The following CA12 variants were observed in gnomAD, a reference collection of about 807,000 sequenced individuals.
CA12 encodes carbonic anhydrase 12, also known as carbonate dehydratase XII.
In CA12, 36 loss-of-function variants were observed where a neutral mutation model predicts 46.8. The ratio of observed to expected loss-of-function variants is 0.77; its 90% CI spans 0.59 to 1.02. CA12 has a LOEUF of 1.02. Ranked by LOEUF, CA12 falls within the 50% of genes least tolerant of loss-of-function variation. The probability of loss-of-function intolerance (pLI) is 0.00; values close to 1 mark genes in which losing one functional copy is unlikely to be tolerated. For missense variants in CA12, 436 were observed against 451.4 expected (o/e 0.97, Z 0.31); for synonymous variants, 202 against 187.0 (o/e 1.08, Z -0.65).
rs2038887285 is a variant in CA12 at position 63,327,801 on chromosome 15, A to G, written c.907+297T>C. On this transcript the variant is annotated intron_variant, in intron 9 of 10. Transcript: ENST00000178638. The surrounding 1 kb of genome is among the most constrained non-coding windows in gnomAD (Gnocchi z 4.5). ...TCATGCGGCCTGTCAGCTGACCTCC[A>G]CAATGGGCTCTGGTATGTTTTCAGC... Among the ~76,000 whole-genome samples, 1 of 152,212 alleles carries G rather than the reference A, an allele frequency of 6.6e-6. No homozygotes were observed. Among genetic ancestry groups the G allele is most frequent in the Non-Finnish European group, 1.5e-5 (1 of 68,032 alleles).
chr15:63,336,268 A>T (rs2039002214), intron 8 of CA12, among the ~76,000 whole-genome samples: 1 of 152,160 alleles, frequency 6.6e-6, no homozygotes, highest in Non-Finnish European at 1.5e-5. Flanking sequence ...CTTGGCTAAA[A>T]ACCTGCCTAC....
Position 63,340,184 on chromosome 15 carries a change from G to T in CA12, c.747+104C>A. 1 of 1,321,980 alleles carries T rather than the reference G, an allele frequency of 7.6e-7. No homozygotes were observed. The highest frequency in any genetic ancestry group is 1.1e-6 in the Non-Finnish European group (1 of 928,908). The allele number at this position is 1,321,980 out of a possible 1,614,324, so 81.9% of individuals were successfully genotyped here. A position where few individuals can be genotyped will look rare whatever the true frequency, so the allele number is the denominator to read the frequency against. On this transcript the variant is annotated intron_variant, in intron 7 of 10. Transcript: ENST00000178638. This position sits in a 1 kb window ranked among gnomAD's most constrained non-coding sequence, Gnocchi z 4.4. ...ATATTTGGAGAGGTTTTGAAGAGCT[G>T]CCAATGAAACTAAATGAGGAAATCA...
At chr15:63,337,972 C>T (rs550894676) in intron 8 of CA12, among the ~76,000 whole-genome samples, 10 of 152,212 alleles carry the variant, frequency 6.6e-5, no homozygotes, top group African/African-American at 2.4e-4. Flanking sequence ...GGGAAGCAGT[C>T]GAGAATCTAC....
Position 63,374,460 on chromosome 15 carries a change from A to G in CA12, c.106+1198T>C, listed in dbSNP as rs971847488. On this transcript the variant is annotated intron_variant, in intron 2 of 10. Coordinates refer to ENST00000178638, the MANE Select transcript of CA12 (RefSeq NM_001218.5). The surrounding 1 kb of genome is among the most constrained non-coding windows in gnomAD (Gnocchi z 4.4). The stretch of plus-strand genomic sequence containing the variant: ...GTTTATGATGTTATTATTACCTATT[A>G]TGTTCTGCTTTGAATTGTGAGCTTT... Among the ~76,000 whole-genome samples the G allele has an allele frequency of 6.6e-6, 1 of 152,148 alleles. No individual in the cohort carries two copies. The highest frequency in any genetic ancestry group is 2.4e-5 in the African/African-American group (1 of 41,432).
At position 63,372,549 on chromosome 15, in the gene CA12, C is replaced by T. The variant is rs1272618556; in HGVS notation, c.106+3109G>A. On this transcript the variant is annotated intron_variant, in intron 2 of 10. Transcript: ENST00000178638. This position sits in a 1 kb window ranked among gnomAD's most constrained non-coding sequence, Gnocchi z 4.5. The stretch of plus-strand genomic sequence containing the variant: ...CCCTGGAGAATGACTCAGCAGTGTA[C>T]GTGCAAAGAAGCTGAGTTCTGCACA... 9.2e-5 allele frequency among the ~76,000 whole-genome samples: 14 copies of T among 152,234 alleles called. No homozygotes were observed. The highest frequency in any genetic ancestry group is 1.9e-4 in the East Asian group (1 of 5,202).
chr15:63,346,873 C>A (rs998291318), intron 2 of CA12, among the ~76,000 whole-genome samples, 164 bp from the exon 3 acceptor site: 16 of 152,328 alleles, frequency 1.1e-4, no homozygotes, highest in African/African-American at 3.4e-4. Context: ...TCAGGTCCAG[C>A]AACCACTCAG....
Position 63,327,275 on chromosome 15 carries a change from C to T in CA12, c.908-42G>A. 1 of 1,532,218 alleles carries T rather than the reference C, an allele frequency of 6.5e-7. No homozygotes were observed. Among genetic ancestry groups the T allele is most frequent in the East Asian group, 2.3e-5 (1 of 44,110 alleles). 94.9% of individuals were successfully genotyped at this position (1,532,218 alleles called of 1,614,324 possible). A position where few individuals can be genotyped will look rare whatever the true frequency, so the allele number is the denominator to read the frequency against. ...GGGCACACATTACATTCCTTCCTTCCCCTCCATCTTAGCCCATGGCCCCCG... is the reference window on the plus strand; with the variant it reads ...GGGCACACATTACATTCCTTCCTTCTCCTCCATCTTAGCCCATGGCCCCCG... On this transcript the variant is annotated intron_variant, in intron 9 of 10. Coordinates refer to ENST00000178638, the MANE Select transcript of CA12 (RefSeq NM_001218.5). The surrounding 1 kb of genome is among the most constrained non-coding windows in gnomAD (Gnocchi z 4.5).
intron 2 of CA12, among the ~76,000 whole-genome samples, chr15:63,349,541 CA>C (rs1172895197): frequency 6.6e-6 from 1 of 152,160 alleles, no homozygotes; most frequent in African/African-American, 2.4e-5. Context: ...TCCTCCTCCT[CA>C]TTGTTATTAT....
At chr15:63,342,395 C>T (rs2039090791) in intron 4 of CA12, among the ~76,000 whole-genome samples, 1 of 152,124 alleles carries the variant, frequency 6.6e-6, no homozygotes, top group Non-Finnish European at 1.5e-5. Flanking sequence ...GCTTCCAGGA[C>T]ATAGGTAGAT....
rs1338402170 is a variant in CA12, at chr15:63,345,660, C to T, written c.287-41G>A. 13 of 1,596,836 alleles carry T rather than the reference C, an allele frequency of 8.1e-6. No homozygotes were observed. Among genetic ancestry groups the T allele is most frequent in the Non-Finnish European group, 1.1e-5 (13 of 1,175,710 alleles). ...GAGCAGCCTTCAGAGCCCCGGCCAG[C>T]TGTGCACTGCCAGAGAGCAGTCAGG... On this transcript the variant is annotated intron_variant, in intron 3 of 10. Coordinates refer to ENST00000178638, the MANE Select transcript of CA12 (RefSeq NM_001218.5). This position sits in a 1 kb window ranked among gnomAD's most constrained non-coding sequence, Gnocchi z 4.3.
At chr15:63,338,669 A>T in intron 8 of CA12, 150 bp downstream of exon 8, 1 of 980,118 alleles carries the variant, frequency 1.0e-6, no homozygotes, top group Non-Finnish European at 1.6e-6. Context: ...CCCCACACCT[A>T]GTCTCACAAG....
chr15:63,366,806 A>T (rs1216353625), intron 2 of CA12, among the ~76,000 whole-genome samples: 1 of 152,248 alleles, frequency 6.6e-6, no homozygotes, highest in Non-Finnish European at 1.5e-5. Context: ...GTAGGGTACC[A>T]CTAGACTAAG....
intron 2 of CA12, among the ~76,000 whole-genome samples, chr15:63,363,784 G>A (rs117959395): frequency 0.027 from 4,119 of 152,356 alleles, 111 homozygotes; most frequent in Middle Eastern, 0.15. Context: ...GGCATAACAA[G>A]TTTTCTGACA....
rs2038910383 is a variant in CA12, at chr15:63,329,625, A to G, written c.875-1495T>C. Among the ~76,000 whole-genome samples the G allele has an allele frequency of 6.6e-6, 1 of 152,176 alleles. No individual in the cohort carries two copies. The highest frequency in any genetic ancestry group is 2.1e-4 in the South Asian group (1 of 4,834). On this transcript the variant is annotated intron_variant, in intron 8 of 10. Coordinates refer to ENST00000178638, the MANE Select transcript of CA12 (RefSeq NM_001218.5). This position sits in a 1 kb window ranked among gnomAD's most constrained non-coding sequence, Gnocchi z 4.8. ...AGAAGGGGTATTTGTTCTAACTCACACTGGGAGCCACAGTTGTACAGATGG... is the reference window on the plus strand; with the variant it reads ...AGAAGGGGTATTTGTTCTAACTCACGCTGGGAGCCACAGTTGTACAGATGG...
In CA12 at chr15:63,355,812, G is replaced by A. The variant is rs1044273305; in HGVS notation, c.107-9103C>T. Reference sequence around the variant, plus strand: ...CCTTGGCCCATTCATGTGAGGAATCGTGCTAGATGTGAAAGTGTTAAGTCC... The same window carrying A: ...CCTTGGCCCATTCATGTGAGGAATCATGCTAGATGTGAAAGTGTTAAGTCC... On this transcript the variant is annotated intron_variant, in intron 2 of 10. Coordinates refer to ENST00000178638, the MANE Select transcript of CA12 (RefSeq NM_001218.5). The surrounding 1 kb of genome is among the most constrained non-coding windows in gnomAD (Gnocchi z 4.1). Among the ~76,000 whole-genome samples the A allele has an allele frequency of 3.9e-5, 6 of 152,086 alleles. No homozygotes were observed. The highest frequency in any genetic ancestry group is 7.2e-5 in the African/African-American group (3 of 41,406).
chr15:63,332,928 A>G (rs963010872), intron 8 of CA12, among the ~76,000 whole-genome samples: 17 of 152,200 alleles, frequency 1.1e-4, no homozygotes, highest in African/African-American at 4.1e-4. Context: ...AGCTTGTAGT[A>G]TGTGTATAAT....
At chr15:63,379,988 G>A (rs989457113) in intron 1 of CA12, among the ~76,000 whole-genome samples, 3 of 152,234 alleles carry the variant, frequency 2.0e-5, no homozygotes, top group Non-Finnish European at 4.4e-5. Flanking sequence ...CAGGCAGAGA[G>A]CAGATCACAC....
intron 2 of CA12, among the ~76,000 whole-genome samples, chr15:63,347,843 G>A (rs1006791771): frequency 4.6e-5 from 7 of 152,170 alleles, no homozygotes; most frequent in Admixed American, 2.0e-4. Context: ...CTGGGGGTCC[G>A]TTCATCAGTA....
At chr15:63,376,739 C>T (rs185530314) in intron 1 of CA12, among the ~76,000 whole-genome samples, 1 of 151,880 alleles carries the variant, frequency 6.6e-6, no homozygotes, top group Admixed American at 6.6e-5. Context: ...ACCTCCTGGG[C>T]TCAAGCAATC....
Sources: allele counts gnomAD v4.1 joint callset (sites outside exome capture counted in the v4.1 genomes callset), GRCh38; gene constraint gnomAD v4.1.1; non-coding constraint Gnocchi (gnomAD v3.1); transcripts MANE v1.5; gene names NCBI Gene and HGNC (gene_info 2026-07-23, HGNC 2026-07-21).